The following GPD2 variants were observed in gnomAD, a reference collection of about 807,000 sequenced individuals.
GPD2 encodes the protein glycerol-3-phosphate dehydrogenase, mitochondrial.
GPD2 carries 54 observed loss-of-function variants against 82.4 expected under a neutral mutation model. That is an observed-to-expected ratio of 0.66 (90% confidence interval 0.53 to 0.82). The LOEUF (loss-of-function observed/expected upper bound fraction) is 0.82. Among genes scored for constraint, GPD2 ranks in the 40% least tolerant of loss-of-function variants. GPD2 has a pLI of 0.00. For synonymous variants in GPD2, 288 were observed against 306.1 expected (o/e 0.94, Z 0.62); for missense variants, 748 against 896.2 (o/e 0.83, Z 2.11).
intron 3 of GPD2, among the ~76,000 whole-genome samples, chr2:156,503,361 A>G (rs763648912): frequency 4.6e-5 from 7 of 152,188 alleles, no homozygotes; most frequent in Non-Finnish European, 1.0e-4. Context: ...TGGTCTAAAC[A>G]TTCTGCTCTG....
intron 1 of GPD2, among the ~76,000 whole-genome samples, chr2:156,449,624 A>C (rs1558903482): frequency 1.3e-5 from 2 of 152,168 alleles, no homozygotes; most frequent in South Asian, 2.1e-4. Flanking sequence ...GGCTGCTACA[A>C]GTAAACAGAA....
intron 12 of GPD2, 127 bp from the exon 13 acceptor site, chr2:156,571,007 G>C: frequency 2.7e-6 from 2 of 734,720 alleles, no homozygotes; most frequent in Non-Finnish European, 4.8e-6. Context: ...GCCTGCTGGA[G>C]GACCAGAGAG....
intron 2 of GPD2, among the ~76,000 whole-genome samples, chr2:156,489,582 A>G (rs1219652712): frequency 6.6e-6 from 1 of 152,174 alleles, no homozygotes; most frequent in East Asian, 1.9e-4. Context: ...CCTGGGCTAT[A>G]GAATCCTTGA....
upstream of GPD2, chr2:156,435,564 C>A (rs961561738): frequency 6.6e-6 from 1 of 152,224 alleles, no homozygotes; most frequent in Non-Finnish European, 1.5e-5. Context: ...CATTCCACCC[C>A]CTGGAGCTTG....
the GPD2 span, among the ~76,000 whole-genome samples, chr2:156,426,024 G>A: frequency 6.0e-5 from 9 of 151,076 alleles, no homozygotes; most frequent in Non-Finnish European, 1.0e-4. Flanking sequence ...CCCGGTTCAC[G>A]CCATTCTCCT....
Position 156,510,934 on chromosome 2 carries a change from C to T in GPD2, c.399+14C>T, listed in dbSNP as rs774818329. The T allele has an allele frequency of 1.9e-6, 3 of 1,612,270 alleles. No individual in the cohort carries two copies. Among genetic ancestry groups the T allele is most frequent in the Non-Finnish European group, 1.7e-6 (2 of 1,178,462 alleles). On this transcript the variant is annotated intron_variant, in intron 4 of 16. Coordinates refer to ENST00000438166, the MANE Select transcript of GPD2 (RefSeq NM_000408.5). The stretch of plus-strand genomic sequence containing the variant: ...GATATTGAGCAGGTAATTGTGTATG[C>T]TGGTTGTTAAACAAAAATTGCAACT...
chr2:156,418,895 A>G, the GPD2 span, among the ~76,000 whole-genome samples: 1 of 152,062 alleles, frequency 6.6e-6, no homozygotes, highest in Non-Finnish European at 1.5e-5. Context: ...GAAAGAAAAA[A>G]CAATTATTCC....
chr2:156,447,706 T>G (rs1409188582), intron 1 of GPD2, among the ~76,000 whole-genome samples: 1 of 152,198 alleles, frequency 6.6e-6, no homozygotes, highest in Non-Finnish European at 1.5e-5. Flanking sequence ...ATTTCCATGA[T>G]TCTGCTCATT....
At chr2:156,496,688 A>T (rs970780820) in intron 3 of GPD2, among the ~76,000 whole-genome samples, 3 of 148,222 alleles carry the variant, frequency 2.0e-5, no homozygotes, top group Non-Finnish European at 4.5e-5. Context: ...ATGAGTTTAT[A>T]TTTTATGAGT....
intron 3 of GPD2, among the ~76,000 whole-genome samples, chr2:156,509,151 G>A (rs1345055243): frequency 1.3e-5 from 2 of 152,122 alleles, no homozygotes; most frequent in African/African-American, 2.4e-5. Flanking sequence ...TACTTAAAAG[G>A]AGTGACCTGG....
At chr2:156,484,801 C>T (rs1447421325) in intron 2 of GPD2, among the ~76,000 whole-genome samples, 2 of 152,176 alleles carry the variant, frequency 1.3e-5, no homozygotes, top group African/African-American at 4.8e-5. Flanking sequence ...GATCGCACCA[C>T]TGCACTCCAG....
chr2:156,542,335 G>A lies in GPD2; in HGVS notation c.662-7273G>A, dbSNP rs184539452. 1.9e-3 allele frequency among the ~76,000 whole-genome samples: 282 copies of A among 152,266 alleles called. 2 individuals are homozygous for A. The highest frequency in any genetic ancestry group is 1.6e-3 in the Non-Finnish European group (110 of 68,010). ...TCACATCCTGTGCCTGCATTTAATT[G>A]TACCTTTGTATTTAATAATAAAAAT... is the stretch of plus-strand genomic sequence containing the variant. On this transcript the variant is annotated intron_variant, in intron 6 of 16. Coordinates refer to ENST00000438166, the MANE Select transcript of GPD2 (RefSeq NM_000408.5).
intron 6 of GPD2, among the ~76,000 whole-genome samples, chr2:156,538,899 A>G (rs767934455): frequency 6.6e-6 from 1 of 151,750 alleles, no homozygotes; most frequent in African/African-American, 2.4e-5. Flanking sequence ...GGTCTAAACT[A>G]TAGCTTAAAA....
the GPD2 span, among the ~76,000 whole-genome samples, chr2:156,419,152 C>T: frequency 6.7e-5 from 10 of 150,172 alleles, no homozygotes; most frequent in Admixed American, 3.3e-4. Flanking sequence ...CTCTGCCTCC[C>T]GGGTTCAAGA....
chr2:156,498,558 A>G (rs767737268), intron 3 of GPD2, among the ~76,000 whole-genome samples: 3 of 152,198 alleles, frequency 2.0e-5, no homozygotes, highest in Non-Finnish European at 2.9e-5. Context: ...CATTGAGGCT[A>G]TATATGAGAG....
chr2:156,535,828 T>C (rs1686056573), intron 6 of GPD2, among the ~76,000 whole-genome samples: 2 of 152,190 alleles, frequency 1.3e-5, no homozygotes, highest in Non-Finnish European at 2.9e-5. Context: ...GTGTTAGAGA[T>C]ATAAACCCTC....
chr2:156,529,877 C>A (rs922630847), intron 6 of GPD2, among the ~76,000 whole-genome samples: 4 of 152,102 alleles, frequency 2.6e-5, no homozygotes, highest in African/African-American at 9.7e-5. Context: ...TAGCGTGATG[C>A]CTCCAGCTTT....
chr2:156,453,708 C>A (rs1429068454), intron 1 of GPD2, among the ~76,000 whole-genome samples: 1 of 152,106 alleles, frequency 6.6e-6, no homozygotes, highest in African/African-American at 2.4e-5. Flanking sequence ...AAAACCATGG[C>A]TCTACTAAAG....
chr2:156,548,884 C>T (rs995564872), intron 6 of GPD2, among the ~76,000 whole-genome samples: 1 of 152,134 alleles, frequency 6.6e-6, no homozygotes, highest in Non-Finnish European at 1.5e-5. Context: ...GAAAAAGTCT[C>T]TAGTGATGCC....
Sources: gnomAD v4.1 joint callset for allele counts (sites outside exome capture counted in the v4.1 genomes callset) on GRCh38, gnomAD v4.1.1 for gene constraint, MANE v1.5 for transcripts, NCBI Gene and HGNC (gene_info 2026-07-23, HGNC 2026-07-21) for gene names.